ZNF804A: variants seen among roughly 807,000 people sequenced by gnomAD.
ZNF804A encodes zinc finger protein 804A.
Under a neutral mutation model 16.5 loss-of-function variants are expected in ZNF804A, and 2 were observed. The observed-to-expected ratio is 0.12, with a 90% CI of 0.05 to 0.38. The LOEUF is 0.38. Ranked by LOEUF, ZNF804A falls within the 10% of genes least tolerant of loss-of-function variation. The probability of loss-of-function intolerance (pLI) is 0.99; values close to 1 mark genes in which losing one functional copy is unlikely to be tolerated. For missense variants in ZNF804A, 1,473 were observed against 1,390.7 expected, an observed-to-expected ratio of 1.06 and a Z score of -0.94; for synonymous variants, 534 against 489.6, an observed-to-expected ratio of 1.09 and a Z score of -1.20.
chr2:184,682,624 T>G (rs144759571), intron 1 of ZNF804A, among the ~76,000 whole-genome samples: 1 of 152,176 alleles, frequency 6.6e-6, no homozygotes, highest in Non-Finnish European at 1.5e-5. Context: ...ATTTTACAGA[T>G]GGGAAAAACA....
At chr2:184,612,446 T>C (rs901935332) in intron 1 of ZNF804A, among the ~76,000 whole-genome samples, 5 of 150,572 alleles carry the variant, frequency 3.3e-5, no homozygotes, top group Admixed American at 6.6e-5. Context: ...TTTTTTTTTT[T>C]TTTGGGGGGG....
At chr2:184,913,186 T>A (rs1685390048) in intron 2 of ZNF804A, among the ~76,000 whole-genome samples, 1 of 152,190 alleles carries the variant, frequency 6.6e-6, no homozygotes, top group Admixed American at 6.5e-5. Flanking sequence ...TTGATATAGC[T>A]TTAGACCTCC....
At chr2:184,894,752 C>A (rs559807396) in intron 2 of ZNF804A, among the ~76,000 whole-genome samples, 1 of 152,128 alleles carries the variant, frequency 6.6e-6, no homozygotes, top group African/African-American at 2.4e-5. Context: ...GTGGCGAGAT[C>A]TGGGCTCACT....
At chr2:184,913,778 G>T (rs187663403) in intron 2 of ZNF804A, among the ~76,000 whole-genome samples, 1 of 151,964 alleles carries the variant, frequency 6.6e-6, no homozygotes, top group Non-Finnish European at 1.5e-5. Context: ...TTCCACCAAG[G>T]TCACTCAATA....
At chr2:184,780,394 A>G (rs1173425200) in intron 1 of ZNF804A, among the ~76,000 whole-genome samples, 1 of 151,862 alleles carries the variant, frequency 6.6e-6, no homozygotes, top group Non-Finnish European at 1.5e-5. Context: ...AAATTATGGT[A>G]AAATAGACTT....
chr2:184,927,230 G>A (rs1222088387), intron 2 of ZNF804A, among the ~76,000 whole-genome samples: 1 of 152,240 alleles, frequency 6.6e-6, no homozygotes, highest in Non-Finnish European at 1.5e-5. Context: ...CAGTAGTTCT[G>A]TGGCTCTTGT....
intron 2 of ZNF804A, among the ~76,000 whole-genome samples, chr2:184,877,469 C>T (rs1409391647): frequency 1.3e-5 from 2 of 151,876 alleles, no homozygotes; most frequent in Admixed American, 6.6e-5. Context: ...TCCTACTAAT[C>T]CTATCAAGAA....
chr2:184,677,774 C>T (rs1304192098), intron 1 of ZNF804A, among the ~76,000 whole-genome samples: 2 of 151,972 alleles, frequency 1.3e-5, no homozygotes, highest in African/African-American at 2.4e-5. Context: ...GAAATGCCTT[C>T]CTCAACTTTG....
chr2:184,621,259 A>T (rs1368953514), intron 1 of ZNF804A, among the ~76,000 whole-genome samples: 1 of 151,746 alleles, frequency 6.6e-6, no homozygotes, highest in Admixed American at 6.6e-5. Context: ...TCATTGGGAT[A>T]AAACTTAGAA....
intron 1 of ZNF804A, among the ~76,000 whole-genome samples, chr2:184,821,785 T>C (rs1695090715): frequency 6.6e-6 from 1 of 152,092 alleles, no homozygotes; most frequent in Non-Finnish European, 1.5e-5. Context: ...AAAGAAGACA[T>C]TTATGCGGCC....
intron 1 of ZNF804A, among the ~76,000 whole-genome samples, chr2:184,693,811 C>G (rs565505567): frequency 6.6e-6 from 1 of 151,636 alleles, no homozygotes; most frequent in South Asian, 2.1e-4. Flanking sequence ...ATAATGTCAG[C>G]TTGGCGTCAG....
At chr2:184,819,199 A>T (rs1695032717) in intron 1 of ZNF804A, among the ~76,000 whole-genome samples, 1 of 151,808 alleles carries the variant, frequency 6.6e-6, no homozygotes, top group African/African-American at 2.4e-5. Flanking sequence ...ATGCAAAAGA[A>T]AGGAAATTAA....
chr2:184,763,719 T>G (rs931830719), intron 1 of ZNF804A, among the ~76,000 whole-genome samples: 2 of 129,750 alleles, frequency 1.5e-5, no homozygotes, highest in African/African-American at 5.7e-5. Context: ...CTTGGCTCAC[T>G]GCAAGCTCCA....
intron 1 of ZNF804A, among the ~76,000 whole-genome samples, chr2:184,722,935 A>G (rs921406080): frequency 6.6e-6 from 1 of 151,996 alleles, no homozygotes; most frequent in South Asian, 2.1e-4. Context: ...GTGTGCAGCC[A>G]TTCAAAACAG....
intron 1 of ZNF804A, among the ~76,000 whole-genome samples, chr2:184,797,950 T>A (rs1026261904): frequency 1.3e-5 from 2 of 151,958 alleles, no homozygotes; most frequent in Admixed American, 6.6e-5. Flanking sequence ...AAAGACTGTA[T>A]CTTTCTTTCA....
intron 1 of ZNF804A, among the ~76,000 whole-genome samples, chr2:184,689,304 A>C (rs1692692674): frequency 6.6e-6 from 1 of 152,158 alleles, no homozygotes; most frequent in Non-Finnish European, 1.5e-5. Context: ...ATTTGCCTTC[A>C]AGTAACACTG....
chr2:184,738,623 T>C (rs1293833061), intron 1 of ZNF804A, among the ~76,000 whole-genome samples: 2 of 152,200 alleles, frequency 1.3e-5, no homozygotes, highest in Non-Finnish European at 2.9e-5. Context: ...ACTTTGTGCA[T>C]CTAAAGGACT....
At chr2:184,790,744 C>T (rs1010471578) in intron 1 of ZNF804A, among the ~76,000 whole-genome samples, 1 of 152,044 alleles carries the variant, frequency 6.6e-6, no homozygotes, top group African/African-American at 2.4e-5. Context: ...GCTGGGACTA[C>T]AGGCGCCTGC....
chr2:184,716,413 T>C (rs565303913), intron 1 of ZNF804A, among the ~76,000 whole-genome samples: 1 of 152,178 alleles, frequency 6.6e-6, no homozygotes, highest in Admixed American at 6.6e-5. Context: ...ATTTACACAA[T>C]TCATGATTTA....
Sources: gnomAD v4.1 joint callset for allele counts (sites outside exome capture counted in the v4.1 genomes callset) on GRCh38, gnomAD v4.1.1 for gene constraint, MANE v1.5 for transcripts, NCBI Gene and HGNC (gene_info 2026-07-23, HGNC 2026-07-21) for gene names.